Variants in DCLK1 observed in about 807,000 individuals in gnomAD.
The protein encoded by DCLK1 is doublecortin like kinase 1.
Under a neutral mutation model 86.2 loss-of-function variants are expected in DCLK1, and 16 were observed. The ratio of observed to expected loss-of-function variants is 0.19; its 90% CI spans 0.13 to 0.28. DCLK1 has a LOEUF of 0.28. Ranked by LOEUF, DCLK1 falls within the 10% of genes least tolerant of loss-of-function variation. The pLI is 1.00. For missense variants in DCLK1, 590 were observed against 940.2 expected, an observed-to-expected ratio of 0.63 and a Z score of 4.87; for synonymous variants, 369 against 370.5, an observed-to-expected ratio of 1.00 and a Z score of 0.05.
chr13:35,944,499 A>C (rs1248394212), intron 4 of DCLK1, among the ~76,000 whole-genome samples: 2 of 152,212 alleles, frequency 1.3e-5, no homozygotes, highest in East Asian at 1.9e-4. Context: ...AAAGATTCAA[A>C]TGTTAATACA....
At chr13:35,784,653 A>C (rs969432095) in intron 16 of DCLK1, among the ~76,000 whole-genome samples, 3 of 152,128 alleles carry the variant, frequency 2.0e-5, no homozygotes, top group African/African-American at 4.8e-5. Context: ...TCGATGTGTT[A>C]AACTGAATCC....
chr13:35,829,286 C>T (rs1269419428), intron 8 of DCLK1, among the ~76,000 whole-genome samples: 6 of 152,174 alleles, frequency 3.9e-5, no homozygotes, highest in South Asian at 2.1e-4. Context: ...CACAAGAACA[C>T]GTCTATTATT....
intron 8 of DCLK1, among the ~76,000 whole-genome samples, chr13:35,832,613 G>A (rs1209075828): frequency 6.6e-6 from 1 of 152,134 alleles, no homozygotes; most frequent in African/African-American, 2.4e-5. Context: ...GTGGCAGTTA[G>A]CACAATGACA....
chr13:36,115,752 T>C lies in DCLK1; in HGVS notation c.377-3537A>G, dbSNP rs570254308. 1.6e-3 allele frequency among the ~76,000 whole-genome samples: 248 copies of C among 151,496 alleles called. 1 individual carries two copies. Among genetic ancestry groups the C allele is most frequent in the Middle Eastern group, 3.4e-3 (1 of 294 alleles). ...AAGAAAATGACAGTTTTTTTAAAAG[T>C]AAGGAAATAAGCATGAAATTATGTT... is the stretch of plus-strand genomic sequence containing the variant. On this transcript the variant is annotated intron_variant, in intron 2 of 16. Coordinates refer to ENST00000360631, the MANE Select transcript of DCLK1 (RefSeq NM_001330071.2).
intron 4 of DCLK1, among the ~76,000 whole-genome samples, chr13:35,894,350 C>A (rs537409544): frequency 6.6e-6 from 1 of 152,194 alleles, no homozygotes; most frequent in Non-Finnish European, 1.5e-5. Context: ...ACGGCATCTG[C>A]GCCAGAACTT....
chr13:35,974,744 A>G (rs1465145683), intron 3 of DCLK1, among the ~76,000 whole-genome samples: 1 of 152,208 alleles, frequency 6.6e-6, no homozygotes, highest in East Asian at 1.9e-4. Flanking sequence ...AAACCTCTTC[A>G]TAAATTACCC....
chr13:35,778,424 C>G (rs750524340), intron 16 of DCLK1, among the ~76,000 whole-genome samples: 3 of 152,082 alleles, frequency 2.0e-5, no homozygotes, highest in Non-Finnish European at 2.9e-5. Flanking sequence ...TTAACTATAC[C>G]TTAATTTCCC....
intron 15 of DCLK1, among the ~76,000 whole-genome samples, chr13:35,801,352 T>C (rs1420579459): frequency 1.3e-5 from 2 of 152,230 alleles, no homozygotes; most frequent in Non-Finnish European, 2.9e-5. Flanking sequence ...ATTGATTATT[T>C]TCAGATGAAG....
At chr13:35,888,684 C>T (rs190139168) in intron 4 of DCLK1, among the ~76,000 whole-genome samples, 2 of 152,310 alleles carry the variant, frequency 1.3e-5, no homozygotes, top group Admixed American at 1.3e-4. Context: ...TGACTTGTGG[C>T]CAAGACGCCT....
intron 4 of DCLK1, among the ~76,000 whole-genome samples, chr13:35,899,980 T>C (rs201827501): frequency 1.3e-5 from 2 of 152,208 alleles, no homozygotes; most frequent in East Asian, 3.8e-4. Flanking sequence ...TATGTACAGC[T>C]TTCTCTAAAA....
chr13:35,912,860 T>C (rs1209467158), intron 4 of DCLK1, among the ~76,000 whole-genome samples: 1 of 151,986 alleles, frequency 6.6e-6, no homozygotes, highest in Non-Finnish European at 1.5e-5. Context: ...TAAGATAGCA[T>C]TGTAACACAC....
At chr13:35,956,688 A>G (rs1190460623) in intron 3 of DCLK1, among the ~76,000 whole-genome samples, 1 of 2,138 alleles carries the variant, frequency 4.7e-4, no homozygotes, top group Non-Finnish European at 9.6e-4. Context: ...TAGGTAGGGA[A>G]TATGGATGAG....
At chr13:35,855,438 G>A in intron 5 of DCLK1, 1 of 1,432,324 alleles carries the variant, frequency 7.0e-7, no homozygotes, top group Non-Finnish European at 9.6e-7. Flanking sequence ...AATTAACCAG[G>A]AGACACATAG....
At chr13:36,069,123 C>T (rs983506) in intron 3 of DCLK1, among the ~76,000 whole-genome samples, 100,491 of 151,884 alleles carry the variant, frequency 0.66, 33,883 homozygotes, top group East Asian at 0.99. Flanking sequence ...ATGAAGAAAC[C>T]GAAGTTTTGT....
At chr13:36,127,641 T>G (rs1886234970) in intron 1 of DCLK1, among the ~76,000 whole-genome samples, 1 of 152,196 alleles carries the variant, frequency 6.6e-6, no homozygotes, top group Admixed American at 6.5e-5. Flanking sequence ...ATAAAATCTG[T>G]TTTTGTGTTC....
intron 3 of DCLK1, among the ~76,000 whole-genome samples, chr13:36,099,755 C>T (rs761928592): frequency 3.9e-5 from 6 of 152,184 alleles, no homozygotes; most frequent in South Asian, 2.1e-4. Flanking sequence ...AAGACAACTC[C>T]GTGAATAGTC....
At chr13:35,843,107 T>C (rs906900009) in intron 6 of DCLK1, among the ~76,000 whole-genome samples, 11 of 152,238 alleles carry the variant, frequency 7.2e-5, no homozygotes, top group African/African-American at 2.7e-4. Flanking sequence ...TCATTGCTTG[T>C]AAATGGAATC....
At chr13:36,000,811 T>TGTC (rs2153145768) in intron 3 of DCLK1, among the ~76,000 whole-genome samples, 1 of 152,324 alleles carries the variant, frequency 6.6e-6, no homozygotes, top group East Asian at 1.9e-4. Flanking sequence ...ATATTGCCAG[T>TGTC]ACTCAGCACA....
intron 3 of DCLK1, among the ~76,000 whole-genome samples, chr13:36,080,396 G>C (rs1257924936): frequency 6.6e-6 from 1 of 152,078 alleles, no homozygotes; most frequent in African/African-American, 2.4e-5. Flanking sequence ...TAGGAATTAG[G>C]GACTCAATAA....
Sources: allele counts gnomAD v4.1 joint callset (sites outside exome capture counted in the v4.1 genomes callset), GRCh38; gene constraint gnomAD v4.1.1; transcripts MANE v1.5; gene names NCBI Gene and HGNC (gene_info 2026-07-23, HGNC 2026-07-21).